The following GNAO1 variants were observed in gnomAD, a reference collection of about 807,000 sequenced individuals.
The protein encoded by GNAO1 is G protein subunit alpha o1, also known as guanine nucleotide-binding protein G(o) subunit alpha.
For synonymous variants in GNAO1, 164 were observed against 180.7 expected (o/e 0.91, Z 0.74); for missense variants, 166 against 478.7 (o/e 0.35, Z 6.10).
At chr16:56,334,927 T>C (rs1764994002) in intron 5 of GNAO1, 70 bp downstream of exon 5, 1 of 1,543,066 alleles carries the variant, frequency 6.5e-7, no homozygotes, top group Admixed American at 1.7e-5. Flanking sequence ...CTCAGCGCAT[T>C]GCGTTTACAG....
intron 2 of GNAO1, among the ~76,000 whole-genome samples, chr16:56,216,005 G>A (rs2036433770): frequency 6.6e-6 from 1 of 152,162 alleles, no homozygotes; most frequent in South Asian, 2.1e-4. Flanking sequence ...TATCTCTACA[G>A]ATCTTGGAGT....
At chr16:56,255,935 A>G (rs1371104669) in intron 2 of GNAO1, among the ~76,000 whole-genome samples, 1 of 152,188 alleles carries the variant, frequency 6.6e-6, no homozygotes, top group African/African-American at 2.4e-5. Context: ...CATTGTTTTA[A>G]TATGTGAGAA....
chr16:56,342,552 A>C (rs2037816080), intron 6 of GNAO1, among the ~76,000 whole-genome samples: 1 of 152,258 alleles, frequency 6.6e-6, no homozygotes. Context: ...GAACCAGCTC[A>C]GTGTGTTGCC....
chr16:56,248,448 C>T (rs1229123371), intron 2 of GNAO1, among the ~76,000 whole-genome samples: 2 of 152,200 alleles, frequency 1.3e-5, no homozygotes, highest in African/African-American at 4.8e-5. Flanking sequence ...CAAGTATATA[C>T]TAAATGCTTG....
At chr16:56,314,441 C>T (rs1220320060) in intron 3 of GNAO1, among the ~76,000 whole-genome samples, 10 of 152,188 alleles carry the variant, frequency 6.6e-5, no homozygotes, top group Admixed American at 5.2e-4. Flanking sequence ...CCAGTACAGC[C>T]GCCACCCTTA....
intron 3 of GNAO1, among the ~76,000 whole-genome samples, chr16:56,314,802 T>C (rs2037492685): frequency 6.6e-6 from 1 of 152,096 alleles, no homozygotes; most frequent in African/African-American, 2.4e-5. Flanking sequence ...TGGACCCCCT[T>C]GAAAGGATCT....
At chr16:56,265,953 G>A (rs577136941) in intron 2 of GNAO1, among the ~76,000 whole-genome samples, 36 of 151,972 alleles carry the variant, frequency 2.4e-4, no homozygotes, top group African/African-American at 8.2e-4. Flanking sequence ...AACACTAAAG[G>A]TGCCCCGGGG....
At chr16:56,264,930 A>G (rs1402860009) in intron 2 of GNAO1, among the ~76,000 whole-genome samples, 1 of 152,110 alleles carries the variant, frequency 6.6e-6, no homozygotes, top group Non-Finnish European at 1.5e-5. Context: ...TCACCCCACA[A>G]TTAAACAGCT....
intron 3 of GNAO1, among the ~76,000 whole-genome samples, chr16:56,314,646 C>G (rs997267542): frequency 2.0e-5 from 3 of 152,216 alleles, no homozygotes; most frequent in East Asian, 1.9e-4. Flanking sequence ...AGCCCGGCGC[C>G]GAGTCCAGCG....
chr16:56,259,151 T>C (rs730300), intron 2 of GNAO1, among the ~76,000 whole-genome samples: 97,116 of 152,106 alleles, frequency 0.64, 31,458 homozygotes, highest in African/African-American at 0.74. Context: ...TTTCAGAGGG[T>C]GTGGATAGCA....
rs200148600 is a variant in GNAO1, at chr16:56,297,620, GTTCTT to G, written c.303+21561_303+21565del. 8.4e-3 allele frequency among the ~76,000 whole-genome samples: 1,269 copies of G among 150,342 alleles called. 19 individuals carry two copies. The highest frequency in any genetic ancestry group is 0.029 in the African/African-American group (1,190 of 40,748). Reference sequence around the variant, plus strand: ...AATTTTTTGTTAAGTTTGAATTTCAGTTCTTTTCTTTTCTTTTTTAAATGAAAGTG... The same window carrying G: ...AATTTTTTGTTAAGTTTGAATTTCAGTTCTTTTCTTTTTTAAATGAAAGTG... On this transcript the variant is annotated intron_variant, in intron 3 of 8. Transcript: ENST00000262493.
chr16:56,344,587 G>C (rs545468174), intron 6 of GNAO1: 9 of 986,006 alleles, frequency 9.1e-6, no homozygotes, highest in Non-Finnish European at 1.1e-5. Flanking sequence ...TGACTCCTCC[G>C]AGTTCTGGAA....
At chr16:56,309,125 T>C (rs1218265222) in intron 3 of GNAO1, among the ~76,000 whole-genome samples, 2 of 151,980 alleles carry the variant, frequency 1.3e-5, no homozygotes, top group Non-Finnish European at 2.9e-5. Flanking sequence ...GCTCAAGTGC[T>C]CTCCTAGCTG....
chr16:56,214,589 CAT>C (rs1426625509), intron 2 of GNAO1, among the ~76,000 whole-genome samples: 1 of 152,218 alleles, frequency 6.6e-6, no homozygotes, highest in Non-Finnish European at 1.5e-5. Context: ...CACTAAAAAT[CAT>C]GTGGGTGGCA....
At chr16:56,273,451 A>G (rs2037035547) in intron 2 of GNAO1, among the ~76,000 whole-genome samples, 2 of 152,154 alleles carry the variant, frequency 1.3e-5, no homozygotes, top group Admixed American at 6.5e-5. Context: ...TTTAAAATAG[A>G]TGTTTTAAAA....
Position 56,351,633 on chromosome 16 carries a change from G to A in GNAO1, c.877+96G>A. 1.0e-6 allele frequency: 1 copy of A among 971,114 alleles called. No homozygotes were observed. Among genetic ancestry groups the A allele is most frequent in the Non-Finnish European group, 1.6e-6 (1 of 637,236 alleles). The allele number at this position is 971,114 out of a possible 1,614,324, so 60.2% of individuals were successfully genotyped here. On this transcript the variant is annotated intron_variant, in intron 7 of 8. Coordinates refer to ENST00000262493, the MANE Select transcript of GNAO1 (RefSeq NM_020988.3). This position sits in a 1 kb window ranked among gnomAD's most constrained non-coding sequence, Gnocchi z 6.1. ...TGCTCGGCCAGCACTGCTGGGGCTAGCTGGCGAGCGGGACCCATTGCAGGA... is the reference window on the plus strand; with the variant it reads ...TGCTCGGCCAGCACTGCTGGGGCTAACTGGCGAGCGGGACCCATTGCAGGA...
In GNAO1 at chr16:56,200,621, C is replaced by T. The variant is rs572852968; in HGVS notation, c.161+8005C>T. On this transcript the variant is annotated intron_variant, in intron 2 of 8. Coordinates refer to ENST00000262493, the MANE Select transcript of GNAO1 (RefSeq NM_020988.3). ...CTAATTCTAAAACCTGTGTTCTTTT[C>T]GTTGTAACTCCACACCTTTCTTACT... Among the ~76,000 whole-genome samples the T allele has an allele frequency of 8.5e-5, 13 of 152,288 alleles. No individual in the cohort carries two copies. The South Asian group carries it at 1.9e-3, about 22-fold the overall frequency.
chr16:56,265,346 C>T (rs2143494345), intron 2 of GNAO1, among the ~76,000 whole-genome samples: 1 of 152,354 alleles, frequency 6.6e-6, no homozygotes, highest in South Asian at 2.1e-4. Context: ...TCCACAGCTC[C>T]TGGGCTAGAC....
At chr16:56,302,647 A>T (rs1278734584) in intron 3 of GNAO1, 1 of 152,200 alleles carries the variant, frequency 6.6e-6, no homozygotes, top group Non-Finnish European at 1.5e-5. Flanking sequence ...ACTCCTTCCC[A>T]TGGCCAACAG....
Sources: gnomAD v4.1 joint callset for allele counts (sites outside exome capture counted in the v4.1 genomes callset) on GRCh38, gnomAD v4.1.1 for gene constraint, Gnocchi (gnomAD v3.1) non-coding constraint, MANE v1.5 for transcripts, NCBI Gene and HGNC (gene_info 2026-07-23, HGNC 2026-07-21) for gene names.